The following AHI1 variants were observed in gnomAD, a reference collection of about 807,000 sequenced individuals.
AHI1 encodes the protein jouberin.
AHI1 carries 123 observed loss-of-function variants against 149.3 expected under a neutral mutation model. The ratio of observed to expected loss-of-function variants is 0.82; its 90% CI spans 0.71 to 0.96. AHI1 has a LOEUF of 0.96. Among genes scored for constraint, AHI1 ranks in the 40% least tolerant of loss-of-function variants. The pLI is 0.00. For missense variants in AHI1, 1,439 were observed against 1,422.7 expected (o/e 1.01, Z -0.18); for synonymous variants, 475 against 459.8 (o/e 1.03, Z -0.42).
intron 23 of AHI1, among the ~76,000 whole-genome samples, chr6:135,393,977 G>A (rs1232732964): frequency 2.6e-5 from 4 of 151,986 alleles, no homozygotes; most frequent in African/African-American, 9.7e-5. Context: ...ACTTGTATAT[G>A]TAAGTTCCAA....
At chr6:135,415,010 G>A (rs1217012891) in intron 20 of AHI1, among the ~76,000 whole-genome samples, 1 of 125,410 alleles carries the variant, frequency 8.0e-6, no homozygotes, top group Non-Finnish European at 1.6e-5. Context: ...TCCCCTTCCT[G>A]TGTCCATGTG....
At chr6:135,429,304 C>A (rs1288234425) in intron 18 of AHI1, among the ~76,000 whole-genome samples, 4 of 151,684 alleles carry the variant, frequency 2.6e-5, no homozygotes, top group Admixed American at 1.3e-4. Context: ...TTTCAGCACA[C>A]ACTTTGTGCC....
intron 27 of AHI1, among the ~76,000 whole-genome samples, chr6:135,291,539 C>T (rs966872445): frequency 5.1e-4 from 78 of 152,114 alleles, no homozygotes; most frequent in African/African-American, 1.8e-3. Context: ...AGAGGCCTCA[C>T]GGGAAACCAA....
intron 5 of AHI1, among the ~76,000 whole-genome samples, chr6:135,468,572 T>C (rs1791187735): frequency 6.6e-6 from 1 of 151,908 alleles, no homozygotes; most frequent in Non-Finnish European, 1.5e-5. Context: ...GGCGTGACGG[T>C]GCACACCTGT....
rs528439888 is a variant in AHI1, at chr6:135,349,148, C to G, written c.3165+8984G>C. Among the ~76,000 whole-genome samples the G allele has an allele frequency of 3.9e-5, 6 of 152,150 alleles. No individual in the cohort carries two copies. In the South Asian group the frequency reaches 1.2e-3, roughly 32 times the overall value. ...AACAGGTGCGTGGCACTGCACCTAGCTAATTTAAAAAAAATGTTTTTAAGA... is the reference window on the plus strand; with the variant it reads ...AACAGGTGCGTGGCACTGCACCTAGGTAATTTAAAAAAAATGTTTTTAAGA... On this transcript the variant is annotated intron_variant, in intron 24 of 28. Coordinates refer to ENST00000265602, the MANE Select transcript of AHI1 (RefSeq NM_001134831.2).
At chr6:135,302,762 G>A (rs1331381852) in intron 26 of AHI1, 2 of 1,288,380 alleles carry the variant, frequency 1.6e-6, no homozygotes, top group South Asian at 2.5e-5. Context: ...TACTCATGGA[G>A]GCAGAAGCAG....
chr6:135,323,011 A>G, intron 25 of AHI1, 151 bp downstream of exon 25: 1 of 844,434 alleles, frequency 1.2e-6, no homozygotes, highest in Admixed American at 3.4e-5. Flanking sequence ...TCCTCTTTTT[A>G]TTTTTTTACA....
In AHI1 at chr6:135,442,486, G is replaced by A. The variant is rs1033362343; in HGVS notation, c.1912+96C>T. 33 of 1,317,080 alleles carry A rather than the reference G, an allele frequency of 2.5e-5. No homozygotes were observed. The Admixed American group carries it at 7.1e-4, about 28-fold the overall frequency. 81.6% of individuals were successfully genotyped at this position (1,317,080 alleles called of 1,614,324 possible). ...TTTTCTTTAATTTAGTAGTACAGGG[G>A]ATTACTCAAGTTAAGATTTCCATGA... On this transcript the variant is annotated intron_variant, in intron 14 of 28. Transcript: ENST00000265602.
At chr6:135,486,647 T>A (rs1343665029) in intron 5 of AHI1, among the ~76,000 whole-genome samples, 1 of 152,216 alleles carries the variant, frequency 6.6e-6, no homozygotes, top group Non-Finnish European at 1.5e-5. Context: ...ATAAGTTTCT[T>A]TTCAGGAAGA....
At position 135,284,577 on chromosome 6, in the gene AHI1, A is replaced by AACTT. The variant is rs1781503779; in HGVS notation, c.*1064_*1067dup. On this transcript the variant is annotated 3_prime_UTR_variant, in exon 29 of 29. Coordinates refer to ENST00000265602, the MANE Select transcript of AHI1 (RefSeq NM_001134831.2). Reference sequence around the variant, plus strand: ...TATAATAATGACACTATTATTCTGGAACTTAGAAAAAATAAATAATGCAAT... The same window carrying AACTT: ...TATAATAATGACACTATTATTCTGGAACTTACTTAGAAAAAATAAATAATGCAAT... 1 of 146,598 alleles carries AACTT rather than the reference A, an allele frequency of 6.8e-6. No homozygotes were observed. The highest frequency in any genetic ancestry group is 2.8e-5 in the African/African-American group (1 of 36,002). The allele number at this position is 146,598 out of a possible 1,614,324, so 9.1% of individuals were successfully genotyped here.
chr6:135,460,782 C>T (rs1035161531), intron 8 of AHI1, among the ~76,000 whole-genome samples: 1 of 152,224 alleles, frequency 6.6e-6, no homozygotes, highest in African/African-American at 2.4e-5. Context: ...GTAACACAGT[C>T]ATGTTATTTA....
chr6:135,471,512 T>C (rs1791684523), intron 5 of AHI1, among the ~76,000 whole-genome samples: 1 of 152,210 alleles, frequency 6.6e-6, no homozygotes, highest in African/African-American at 2.4e-5. Context: ...TAACTTCTAG[T>C]TGTACTGTAC....
intron 22 of AHI1, among the ~76,000 whole-genome samples, chr6:135,397,097 A>T (rs1405471327): frequency 6.6e-6 from 1 of 151,924 alleles, no homozygotes; most frequent in Admixed American, 6.6e-5. Context: ...CAGACTATTC[A>T]AATGTCCATA....
intron 26 of AHI1, 113 bp from the exon 27 acceptor site, chr6:135,300,671 G>A (rs1244434046): frequency 2.6e-6 from 4 of 1,515,184 alleles, no homozygotes; most frequent in Non-Finnish European, 3.5e-6. Context: ...GAATATGCCT[G>A]TTCTGAACAG....
chr6:135,429,079 A>G (rs775585702), intron 18 of AHI1, among the ~76,000 whole-genome samples: 5 of 151,714 alleles, frequency 3.3e-5, no homozygotes, highest in Non-Finnish European at 5.9e-5. Flanking sequence ...CTATAGAGCA[A>G]GAGAGACTAC....
At position 135,471,378 on chromosome 6, in the gene AHI1, T is replaced by C. The variant is rs116433593; in HGVS notation, c.136-3744A>G. On this transcript the variant is annotated intron_variant, in intron 5 of 28. Coordinates refer to ENST00000265602, the MANE Select transcript of AHI1 (RefSeq NM_001134831.2). ...TCTTCAGTAGCATCTCTACCTTTCA[T>C]AGCATTACACTGACATTTTCATTAC... Among the ~76,000 whole-genome samples the C allele has an allele frequency of 3.5e-3, 536 of 152,298 alleles. 5 individuals carry two copies. Among genetic ancestry groups the C allele is most frequent in the African/African-American group, 0.012 (508 of 41,576 alleles).
intron 7 of AHI1, among the ~76,000 whole-genome samples, chr6:135,465,110 T>C (rs1583367261): frequency 6.6e-6 from 1 of 152,314 alleles, no homozygotes; most frequent in East Asian, 1.9e-4. Context: ...TAGGGGAAAT[T>C]GATGCTGAAT....
At position 135,358,166 on chromosome 6, in the gene AHI1, T is replaced by A; in HGVS notation, c.3131A>T (p.Lys1044Met). The A allele has an allele frequency of 6.2e-7, 1 of 1,613,092 alleles. No individual in the cohort carries two copies. Reference protein sequence around the residue: ...TQTGIISIERKPCNHQVDTAP... With the variant: ...TQTGIISIERMPCNHQVDTAP... ...TGTATCTACCTGATGGTTACAAGGC[T>A]TTCTTTCTATGCTGATAATCCCTGT... is the stretch of plus-strand genomic sequence containing the variant. The change falls in exon 24 of 29, where the codon AAG becomes ATG. Residue 1044 changes from lysine (K) to methionine (M), a missense_variant. Coordinates refer to ENST00000265602, the MANE Select transcript of AHI1 (RefSeq NM_001134831.2).
chr6:135,294,216 C>T (rs916120231), intron 27 of AHI1, among the ~76,000 whole-genome samples: 9 of 152,080 alleles, frequency 5.9e-5, no homozygotes, highest in Admixed American at 1.3e-4. Context: ...ATCCCAGCTA[C>T]TCAGGAGGCT....
Sources: allele counts gnomAD v4.1 joint callset (sites outside exome capture counted in the v4.1 genomes callset), GRCh38; gene constraint gnomAD v4.1.1; transcripts MANE v1.5; gene names NCBI Gene and HGNC (gene_info 2026-07-23, HGNC 2026-07-21).